NRXN3: variants seen among roughly 807,000 people sequenced by gnomAD.
NRXN3 encodes the protein neurexin 3, also known as neurexin III.
A neutral mutation model predicts 137.6 loss-of-function variants in NRXN3; 32 were observed. The ratio of observed to expected loss-of-function variants is 0.23; its 90% CI spans 0.18 to 0.31. The LOEUF (loss-of-function observed/expected upper bound fraction) is 0.31. Among genes scored for constraint, NRXN3 ranks in the 10% least tolerant of loss-of-function variants. NRXN3 has a pLI of 1.00. For synonymous variants in NRXN3, 798 were observed against 784.5 expected, an observed-to-expected ratio of 1.02 and a Z score of -0.29; for missense variants, 1,574 against 2,062.5, an observed-to-expected ratio of 0.76 and a Z score of 4.59.
chr14:79,807,967 G>A lies in NRXN3; in HGVS notation c.4093+2777G>A, dbSNP rs578140658. Among the ~76,000 whole-genome samples, 38 of 152,206 alleles carry A rather than the reference G, an allele frequency of 2.5e-4. 1 individual carries two copies. In the East Asian group the frequency reaches 7.4e-3, roughly 29 times the overall value. ...CCCAGAGGACCTGATTTCCACTAAT[G>A]GGGATTACCTGCTTAGAGCTATCAA... On this transcript the variant is annotated intron_variant, in intron 20 of 20. Coordinates refer to ENST00000335750, the MANE Select transcript of NRXN3 (RefSeq NM_001330195.2).
chr14:79,027,039 A>T (rs887988358), intron 15 of NRXN3, among the ~76,000 whole-genome samples: 2 of 142,248 alleles, frequency 1.4e-5, no homozygotes, highest in Admixed American at 1.4e-4. Flanking sequence ...ACCTCCCACT[A>T]CCCCAAAAAG....
At chr14:79,694,183 A>G (rs2098726445) in intron 18 of NRXN3, among the ~76,000 whole-genome samples, 1 of 151,866 alleles carries the variant, frequency 6.6e-6, no homozygotes, top group African/African-American at 2.4e-5. Flanking sequence ...TCTACTATTG[A>G]CTAACTTTCT....
rs79669968 is a variant in NRXN3, at chr14:79,503,758, G to A, written c.3444+36356G>A. Among the ~76,000 whole-genome samples, 112 of 152,178 alleles carry A rather than the reference G, an allele frequency of 7.4e-4. 1 individual carries two copies. The East Asian group carries it at 0.018, about 25-fold the overall frequency. ...TTCCCAGTGTCTCATAGACCTTCTG[G>A]GACATATGGCACATTCAGTCTAGCT... On this transcript the variant is annotated intron_variant, in intron 16 of 20. Transcript: ENST00000335750.
At chr14:79,820,680 A>G (rs1464687950) in intron 20 of NRXN3, among the ~76,000 whole-genome samples, 1 of 96,590 alleles carries the variant, frequency 1.0e-5, no homozygotes, top group African/African-American at 4.8e-5. Context: ...CTGCTCAAGT[A>G]GACTCCATTG....
intron 2 of NRXN3, among the ~76,000 whole-genome samples, chr14:78,278,008 A>G (rs2073850354): frequency 6.6e-6 from 1 of 152,210 alleles, no homozygotes; most frequent in South Asian, 2.1e-4. Context: ...TGATCTACTC[A>G]CACACAATCT....
chr14:78,231,739 AT>A (rs2065431288), intron 1 of NRXN3: 1 of 152,286 alleles, frequency 6.6e-6, no homozygotes, highest in African/African-American at 2.4e-5. Context: ...TAGTTCCTAC[AT>A]CATAGAGGTT....
At chr14:78,929,026 G>A (rs1567731867) in intron 10 of NRXN3, among the ~76,000 whole-genome samples, 1 of 152,080 alleles carries the variant, frequency 6.6e-6, no homozygotes, top group Non-Finnish European at 1.5e-5. Flanking sequence ...CTGTGGTCTT[G>A]ATTTGCATTT....
rs947712339 is a variant in NRXN3, at chr14:78,317,639, G to A, written c.757+19779G>A. ...AGATGATGCTTGCCCACATTGGGGAGGGCAATTTGCTTCACTCAGTTCACT... is the reference window on the plus strand; with the variant it reads ...AGATGATGCTTGCCCACATTGGGGAAGGCAATTTGCTTCACTCAGTTCACT... On this transcript the variant is annotated intron_variant, in intron 4 of 20. Coordinates refer to ENST00000335750, the MANE Select transcript of NRXN3 (RefSeq NM_001330195.2). 4.9e-4 allele frequency among the ~76,000 whole-genome samples: 74 copies of A among 152,258 alleles called. 1 individual carries two copies. Among genetic ancestry groups the A allele is most frequent in the African/African-American group, 1.7e-3 (71 of 41,560 alleles).
At chr14:79,470,537 C>G (rs2096486359) in intron 16 of NRXN3, among the ~76,000 whole-genome samples, 1 of 152,152 alleles carries the variant, frequency 6.6e-6, no homozygotes, top group African/African-American at 2.4e-5. Context: ...TTCCAAAGGT[C>G]ATACCTCCCA....
chr14:78,344,666 T>A (rs1249414380), intron 4 of NRXN3, among the ~76,000 whole-genome samples: 1 of 152,228 alleles, frequency 6.6e-6, no homozygotes, highest in African/African-American at 2.4e-5. Flanking sequence ...ACACTGAGTC[T>A]ACCTGGCCTT....
At chr14:78,437,351 T>C (rs906425015) in intron 4 of NRXN3, among the ~76,000 whole-genome samples, 1 of 151,430 alleles carries the variant, frequency 6.6e-6, no homozygotes, top group African/African-American at 2.4e-5. Context: ...CTTTTTCTTT[T>C]TTTTTTTTTA....
chr14:78,709,332 T>C lies in NRXN3; in HGVS notation c.1337T>C (p.Leu446Pro). 4 of 1,614,116 alleles carry C rather than the reference T, an allele frequency of 2.5e-6. No individual in the cohort carries two copies. Among genetic ancestry groups the C allele is most frequent in the Non-Finnish European group, 3.4e-6 (4 of 1,180,000 alleles). Residue 446 changes from leucine (L) to proline (P), a missense_variant, in exon 7 of 21, where the codon CTG becomes CCG. Leu to Pro is a moderately conservative substitution (Grantham distance 98). This residue lies in a region of NRXN3 where 718 missense variants were observed against 887.6 expected (regional missense o/e 0.81). Transcript: ENST00000335750. ...VVFKCENVAT[L>P]DPINFETPEA... ...TTTAAGTGTGAGAATGTGGCCACACTGGACCCCATCAACTTTGAGACCCCA... is the reference window on the plus strand; with the variant it reads ...TTTAAGTGTGAGAATGTGGCCACACCGGACCCCATCAACTTTGAGACCCCA...
Position 78,327,539 on chromosome 14 carries a change from C to T in NRXN3, c.757+29679C>T, listed in dbSNP as rs74768402. On this transcript the variant is annotated intron_variant, in intron 4 of 20. Transcript: ENST00000335750. ...GCTCAAACTCCAGGCTTGAACTCAA[C>T]GCATTACTTTATGGTACTTCAACTA... Among the ~76,000 whole-genome samples, 1,053 of 152,284 alleles carry T rather than the reference C, an allele frequency of 6.9e-3. 11 individuals are homozygous for T. Among genetic ancestry groups the T allele is most frequent in the African/African-American group, 0.024 (992 of 41,564 alleles).
intron 4 of NRXN3, among the ~76,000 whole-genome samples, chr14:78,637,525 T>G (rs1011214630): frequency 1.2e-4 from 19 of 152,234 alleles, no homozygotes; most frequent in Non-Finnish European, 2.5e-4. Flanking sequence ...TTTATTGTAT[T>G]CCTGCCTCAC....
At chr14:78,662,246 A>G (rs987832063) in intron 6 of NRXN3, among the ~76,000 whole-genome samples, 6 of 151,876 alleles carry the variant, frequency 4.0e-5, no homozygotes, top group African/African-American at 9.7e-5. Flanking sequence ...AAAAAAAAAT[A>G]CCCAAAAAAC....
intron 6 of NRXN3, among the ~76,000 whole-genome samples, chr14:78,678,947 T>G (rs1449793686): frequency 6.6e-6 from 1 of 152,148 alleles, no homozygotes; most frequent in East Asian, 1.9e-4. Context: ...CCTGCAGAAT[T>G]TCATTACTCT....
intron 15 of NRXN3, among the ~76,000 whole-genome samples, chr14:79,288,022 T>A (rs2082566587): frequency 2.0e-5 from 3 of 152,236 alleles, no homozygotes. Context: ...CTGATTTGTA[T>A]GTCTTTAAAG....
At chr14:78,220,097 G>A (rs10141201) in intron 1 of NRXN3, among the ~76,000 whole-genome samples, 12,350 of 152,186 alleles carry the variant, frequency 0.081, 515 homozygotes, top group African/African-American at 0.1. Flanking sequence ...TGGGCCTGCT[G>A]AGTGGATGAG....
At chr14:79,177,977 A>G (rs546127876) in intron 15 of NRXN3, among the ~76,000 whole-genome samples, 26 of 152,310 alleles carry the variant, frequency 1.7e-4, no homozygotes, top group African/African-American at 5.5e-4. Flanking sequence ...ATTTCCAGTA[A>G]CTTTTTGACC....
Sources: allele counts gnomAD v4.1 joint callset (sites outside exome capture counted in the v4.1 genomes callset), GRCh38; gene constraint gnomAD v4.1.1; regional missense constraint gnomAD v4.1.1; transcripts MANE v1.5; gene names NCBI Gene and HGNC (gene_info 2026-07-23, HGNC 2026-07-21).